Variants in TMEM178B observed in about 807,000 individuals in gnomAD.
TMEM178B encodes transmembrane protein 178B.
In TMEM178B, 5 loss-of-function variants were observed where a neutral mutation model predicts 31.0. The observed-to-expected ratio is 0.16, with a 90% CI of 0.08 to 0.34. The LOEUF (loss-of-function observed/expected upper bound fraction) is 0.34, where lower values mean the gene tolerates loss of function less well. TMEM178B is among the 10% of genes least tolerant of loss of function. The probability of loss-of-function intolerance (pLI) is 1.00; values close to 1 mark genes in which losing one functional copy is unlikely to be tolerated. For missense variants in TMEM178B, 275 were observed against 400.3 expected, an observed-to-expected ratio of 0.69 and a Z score of 2.67; for synonymous variants, 164 against 164.0, an observed-to-expected ratio of 1.00 and a Z score of 0.00.
intron 2 of TMEM178B, among the ~76,000 whole-genome samples, chr7:141,216,863 A>G (rs951487726): frequency 3.6e-4 from 54 of 152,110 alleles, no homozygotes; most frequent in African/African-American, 1.2e-3. Flanking sequence ...AAAGCGAGGT[A>G]GAACGGCATT....
chr7:141,482,915 C>CG (rs1802501257), downstream of TMEM178B, among the ~76,000 whole-genome samples: 1 of 5,660 alleles, frequency 1.8e-4, no homozygotes, highest in Non-Finnish European at 3.8e-4. Flanking sequence ...TGTGTGTTTG[C>CG]GGGGGGCGGT....
chr7:141,487,330 A>G, the TMEM178B span, among the ~76,000 whole-genome samples: 1 of 152,146 alleles, frequency 6.6e-6, no homozygotes, highest in Admixed American at 6.5e-5. Context: ...TATCTGGCAC[A>G]GTAAAACCCA....
chr7:141,482,181 C>T (rs1802486736), downstream of TMEM178B, among the ~76,000 whole-genome samples: 1 of 152,216 alleles, frequency 6.6e-6, no homozygotes, highest in African/African-American at 2.4e-5. Flanking sequence ...TTCAGAGCTT[C>T]TGGGCGCAAA....
intron 1 of TMEM178B, among the ~76,000 whole-genome samples, chr7:141,136,790 C>A (rs939427209): frequency 6.6e-6 from 1 of 152,046 alleles, no homozygotes; most frequent in Non-Finnish European, 1.5e-5. Flanking sequence ...TGCTTGAGCC[C>A]AGGAGTTCAA....
intron 2 of TMEM178B, among the ~76,000 whole-genome samples, chr7:141,304,111 C>G (rs1212300393): frequency 6.6e-6 from 1 of 152,190 alleles, no homozygotes. Context: ...ATATCTAGGG[C>G]TGATGAAGGA....
At chr7:141,432,447 G>T (rs945850021) in intron 2 of TMEM178B, among the ~76,000 whole-genome samples, 2 of 152,136 alleles carry the variant, frequency 1.3e-5, no homozygotes, top group African/African-American at 4.8e-5. Flanking sequence ...GAGCCACCAC[G>T]CCCAGCCCTG....
intron 2 of TMEM178B, among the ~76,000 whole-genome samples, chr7:141,213,686 C>T (rs928454081): frequency 2.6e-5 from 4 of 152,134 alleles, no homozygotes; most frequent in African/African-American, 7.2e-5. Flanking sequence ...TTATCTTTTT[C>T]GTCGATTAGG....
At chr7:141,370,477 T>C (rs917366831) in intron 2 of TMEM178B, among the ~76,000 whole-genome samples, 1 of 152,200 alleles carries the variant, frequency 6.6e-6, no homozygotes, top group African/African-American at 2.4e-5. Context: ...GAGACTAATA[T>C]ATGCAACACG....
In TMEM178B at chr7:141,212,713, A is replaced by T. The variant is rs1350927162; in HGVS notation, c.496+9A>T. 6.5e-7 allele frequency: 1 copy of T among 1,531,896 alleles called. No homozygotes were observed. Among genetic ancestry groups the T allele is most frequent in the Non-Finnish European group, 8.7e-7 (1 of 1,143,090 alleles). 94.9% of individuals were successfully genotyped at this position (1,531,896 alleles called of 1,614,324 possible). A position where few individuals can be genotyped will look rare whatever the true frequency, so the allele number is the denominator to read the frequency against. ...TGAGTGGCATGCCCTACGTAAGTGC[A>T]CCTGAGTCTCAGTGGCTGTGACTGT... On this transcript the variant is annotated intron_variant, in intron 2 of 3. Transcript: ENST00000565468.
At chr7:141,190,978 A>G (rs1796687714) in intron 1 of TMEM178B, among the ~76,000 whole-genome samples, 1 of 152,210 alleles carries the variant, frequency 6.6e-6, no homozygotes, top group African/African-American at 2.4e-5. Context: ...TGGAAACTGC[A>G]ATTTTAAGTG....
intron 2 of TMEM178B, among the ~76,000 whole-genome samples, chr7:141,290,903 T>C (rs909712138): frequency 3.3e-5 from 5 of 152,216 alleles, no homozygotes; most frequent in Admixed American, 6.5e-5. Context: ...TCCCAAGTGA[T>C]TACACTTTAT....
At chr7:141,408,818 G>GT (rs1429342537) in intron 2 of TMEM178B, among the ~76,000 whole-genome samples, 1 of 152,194 alleles carries the variant, frequency 6.6e-6, no homozygotes. Flanking sequence ...AGTCCCAGAC[G>GT]TGTCAACCAC....
rs757257299 is a variant in TMEM178B, at chr7:141,470,737, C to G, written c.836C>G (p.Pro279Arg). 1.0e-5 allele frequency: 16 copies of G among 1,532,466 alleles called. No individual in the cohort carries two copies. In the African/African-American group the frequency reaches 1.9e-4, roughly 18 times the overall value. 94.9% of individuals were successfully genotyped at this position (1,532,466 alleles called of 1,614,324 possible). ...CTLAPSVQPVPRTNYPKSRPE... is the reference protein window; with the variant it reads ...CTLAPSVQPVRRTNYPKSRPE... Reference sequence around the variant, plus strand: ...TTAGCCCCTTCTGTTCAACCTGTCCCGAGGACCAACTACCCTAAATCCAGA... The same window carrying G: ...TTAGCCCCTTCTGTTCAACCTGTCCGGAGGACCAACTACCCTAAATCCAGA... The change falls in exon 4 of 4, where the codon CCG becomes CGG. Residue 279 changes from proline to arginine, a missense_variant. Pro to Arg is a moderately radical substitution (Grantham distance 103, BLOSUM62 -2). Transcript: ENST00000565468.
In TMEM178B at chr7:141,074,860, C is replaced by G. The variant is rs544467072; in HGVS notation, c.382+168C>G. 1.3e-5 allele frequency among the ~76,000 whole-genome samples: 2 copies of G among 152,228 alleles called. No individual in the cohort carries two copies. The highest frequency in any genetic ancestry group is 2.9e-5 in the Non-Finnish European group (2 of 68,046). On this transcript the variant is annotated intron_variant, in intron 1 of 3. Transcript: ENST00000565468. This position sits in a 1 kb window ranked among gnomAD's most constrained non-coding sequence, Gnocchi z 5.1. Reference sequence around the variant, plus strand: ...GGGGCCAGGACTTGCCTCCCAATAGCTGTTAATGAAGCTTGGTGCAGGCTT... The same window carrying G: ...GGGGCCAGGACTTGCCTCCCAATAGGTGTTAATGAAGCTTGGTGCAGGCTT...
intron 2 of TMEM178B, among the ~76,000 whole-genome samples, chr7:141,333,369 C>A (rs924613894): frequency 3.9e-5 from 6 of 152,190 alleles, no homozygotes; most frequent in African/African-American, 1.4e-4. Flanking sequence ...TTTCAGCAAT[C>A]TCTTATTTGG....
chr7:141,387,220 C>T (rs1800447623), intron 2 of TMEM178B, among the ~76,000 whole-genome samples: 1 of 152,148 alleles, frequency 6.6e-6, no homozygotes, highest in Non-Finnish European at 1.5e-5. Flanking sequence ...TTGGAAGGAG[C>T]TTAGATTATA....
chr7:141,375,041 A>G (rs901873209), intron 2 of TMEM178B, among the ~76,000 whole-genome samples: 8 of 152,212 alleles, frequency 5.3e-5, no homozygotes, highest in African/African-American at 1.9e-4. Context: ...TTCGTAATTT[A>G]ATGTATCCTT....
intron 2 of TMEM178B, among the ~76,000 whole-genome samples, chr7:141,322,542 A>T (rs1474074739): frequency 2.0e-5 from 3 of 152,138 alleles, no homozygotes; most frequent in Non-Finnish European, 4.4e-5. Context: ...TTTAAAAATC[A>T]ATCAATCAAA....
At chr7:141,481,294 T>A (rs1414482774), downstream of TMEM178B, among the ~76,000 whole-genome samples, 1 of 152,162 alleles carries the variant, frequency 6.6e-6, no homozygotes, top group Non-Finnish European at 1.5e-5. Context: ...ATCTTCTCTC[T>A]TGAGGGATGA....
Sources: allele counts gnomAD v4.1 joint callset (sites outside exome capture counted in the v4.1 genomes callset), GRCh38; gene constraint gnomAD v4.1.1; non-coding constraint Gnocchi (gnomAD v3.1); transcripts MANE v1.5; gene names NCBI Gene and HGNC (gene_info 2026-07-23, HGNC 2026-07-21).